The following CTNNA3 variants were observed in gnomAD, a reference collection of about 807,000 sequenced individuals.
The protein encoded by CTNNA3 is catenin alpha-3.
In CTNNA3, 76 loss-of-function variants were observed where a neutral mutation model predicts 95.7. That is an observed-to-expected ratio of 0.79 (90% CI 0.66 to 0.96). The LOEUF (loss-of-function observed/expected upper bound fraction) is 0.96, where lower values mean the gene tolerates loss of function less well. Ranked by LOEUF, CTNNA3 falls within the 40% of genes least tolerant of loss-of-function variation. The probability of loss-of-function intolerance (pLI) is 0.00; values close to 1 mark genes in which losing one functional copy is unlikely to be tolerated. For missense variants in CTNNA3, 1,191 were observed against 1,089.8 expected, an observed-to-expected ratio of 1.09 and a Z score of -1.31; for synonymous variants, 431 against 374.4, an observed-to-expected ratio of 1.15 and a Z score of -1.74.
intron 5 of CTNNA3, among the ~76,000 whole-genome samples, chr10:67,482,136 G>T (rs1423438557): frequency 6.6e-6 from 1 of 150,646 alleles, no homozygotes; most frequent in Non-Finnish European, 1.5e-5. Flanking sequence ...GTACCATGCT[G>T]TTTTGGTTAC....
intron 7 of CTNNA3, among the ~76,000 whole-genome samples, chr10:67,079,424 T>C (rs1182025932): frequency 2.0e-5 from 3 of 152,240 alleles, no homozygotes; most frequent in Non-Finnish European, 4.4e-5. Flanking sequence ...AAACATTTAT[T>C]TCTAAGTTTA....
chr10:66,568,720 A>G (rs1842783538), intron 10 of CTNNA3, among the ~76,000 whole-genome samples: 1 of 151,754 alleles, frequency 6.6e-6, no homozygotes, highest in South Asian at 2.1e-4. Context: ...GCTGGCTGCA[A>G]CTCTGGTATC....
intron 9 of CTNNA3, among the ~76,000 whole-genome samples, chr10:66,646,100 A>T (rs1241233356): frequency 6.6e-6 from 1 of 152,226 alleles, no homozygotes; most frequent in Non-Finnish European, 1.5e-5. Context: ...GATTTTGAAG[A>T]AATTGCATAT....
intron 9 of CTNNA3, among the ~76,000 whole-genome samples, chr10:66,630,616 C>T (rs571209930): frequency 6.6e-6 from 1 of 152,256 alleles, no homozygotes; most frequent in East Asian, 1.9e-4. Context: ...GCTTCATTGT[C>T]TATTTCAGAA....
At chr10:67,213,008 G>A (rs893749279) in intron 6 of CTNNA3, among the ~76,000 whole-genome samples, 21 of 151,844 alleles carry the variant, frequency 1.4e-4, no homozygotes, top group African/African-American at 5.1e-4. Flanking sequence ...TCAGGACACT[G>A]CTGTAGAAAT....
intron 7 of CTNNA3, among the ~76,000 whole-genome samples, chr10:66,851,550 G>C (rs1843488304): frequency 6.6e-6 from 1 of 151,730 alleles, no homozygotes; most frequent in Admixed American, 6.6e-5. Context: ...TCCGCGTGGT[G>C]CTCTACTCAT....
chr10:66,303,491 T>A (rs1051406825), intron 12 of CTNNA3, among the ~76,000 whole-genome samples: 2 of 143,842 alleles, frequency 1.4e-5, no homozygotes, highest in Middle Eastern at 7.0e-3. Context: ...CACATCATTA[T>A]GGGTAAAAAA....
intron 1 of CTNNA3, among the ~76,000 whole-genome samples, chr10:67,655,921 GA>G (rs71006157): frequency 2.0e-5 from 3 of 149,332 alleles, no homozygotes; most frequent in Admixed American, 6.7e-5. Flanking sequence ...GATGTTAACT[GA>G]AAAAAAAAAT....
chr10:66,819,593 A>T (rs1589291423), intron 7 of CTNNA3, among the ~76,000 whole-genome samples: 1 of 152,318 alleles, frequency 6.6e-6, no homozygotes, highest in East Asian at 1.9e-4. Flanking sequence ...TGCATGTCAT[A>T]TATCTGATAA....
At chr10:66,587,201 C>T (rs10997250) in intron 10 of CTNNA3, among the ~76,000 whole-genome samples, 10,890 of 152,194 alleles carry the variant, frequency 0.072, 718 homozygotes, top group East Asian at 0.34. Flanking sequence ...TCAAGACGTC[C>T]TATTTAGCTA....
At chr10:67,372,090 T>A (rs191823670) in intron 5 of CTNNA3, among the ~76,000 whole-genome samples, 101 of 152,266 alleles carry the variant, frequency 6.6e-4, no homozygotes, top group Admixed American at 3.1e-3. Flanking sequence ...TTTTTTCTTG[T>A]AAATTTGTTT....
At chr10:67,552,187 C>A (rs1186313029) in intron 3 of CTNNA3, among the ~76,000 whole-genome samples, 2 of 152,080 alleles carry the variant, frequency 1.3e-5, no homozygotes, top group East Asian at 3.9e-4. Flanking sequence ...GAATACAATA[C>A]GACAATTCAA....
intron 7 of CTNNA3, among the ~76,000 whole-genome samples, chr10:67,023,463 C>T (rs190216135): frequency 5.9e-5 from 9 of 152,186 alleles, no homozygotes; most frequent in East Asian, 3.9e-4. Flanking sequence ...CTATAGAGAA[C>T]GATGACTAAA....
Position 66,094,511 on chromosome 10 carries a change from C to G in CTNNA3, c.1977+8646G>C, listed in dbSNP as rs199639733. 9.2e-5 allele frequency among the ~76,000 whole-genome samples: 14 copies of G among 152,040 alleles called. No individual in the cohort carries two copies. The East Asian group carries it at 2.1e-3, about 23-fold the overall frequency. The stretch of plus-strand genomic sequence containing the variant: ...CAAGTTAGGAACATGCTGCAGAAAT[C>G]TAGGTGAGAGGTGCCGGTGCCTAAA... On this transcript the variant is annotated intron_variant, in intron 14 of 17. Transcript: ENST00000433211.
intron 5 of CTNNA3, among the ~76,000 whole-genome samples, chr10:67,451,665 T>A (rs1242919293): frequency 6.6e-6 from 1 of 152,186 alleles, no homozygotes; most frequent in Non-Finnish European, 1.5e-5. Flanking sequence ...ATAATTAGCC[T>A]CCATTTTGCT....
At chr10:67,559,799 A>C (rs1162392934) in intron 3 of CTNNA3, among the ~76,000 whole-genome samples, 5 of 152,208 alleles carry the variant, frequency 3.3e-5, no homozygotes, top group Non-Finnish European at 7.3e-5. Flanking sequence ...TAAAGGAGCT[A>C]ATGGAGCTGA....
At chr10:66,899,951 C>T (rs527580313) in intron 7 of CTNNA3, among the ~76,000 whole-genome samples, 1 of 152,308 alleles carries the variant, frequency 6.6e-6, no homozygotes, top group South Asian at 2.1e-4. Context: ...CAGCAGACAA[C>T]TTCAGACTTA....
intron 7 of CTNNA3, among the ~76,000 whole-genome samples, chr10:66,868,380 A>AT (rs921640820): frequency 1.3e-5 from 2 of 151,508 alleles, no homozygotes; most frequent in Non-Finnish European, 2.9e-5. Flanking sequence ...ATTAAAAAAA[A>AT]AATAAAAAAA....
At chr10:67,102,852 C>T (rs953901614) in intron 7 of CTNNA3, among the ~76,000 whole-genome samples, 2 of 151,756 alleles carry the variant, frequency 1.3e-5, no homozygotes, top group Admixed American at 6.6e-5. Flanking sequence ...TAGGAAATGA[C>T]GGTCTGATTC....
Sources: allele counts gnomAD v4.1 joint callset (sites outside exome capture counted in the v4.1 genomes callset), GRCh38; gene constraint gnomAD v4.1.1; transcripts MANE v1.5; gene names NCBI Gene and HGNC (gene_info 2026-07-23, HGNC 2026-07-21).